DET1: variants seen among roughly 807,000 people sequenced by gnomAD.
The protein encoded by DET1 is DET1 partner of COP1 E3 ubiquitin ligase, also known as DET1 homolog.
In DET1, 22 loss-of-function variants were observed where a neutral mutation model predicts 43.7. The ratio of observed to expected loss-of-function variants is 0.50; its 90% CI spans 0.36 to 0.72. DET1 has a LOEUF of 0.72. Among genes scored for constraint, DET1 ranks in the 30% least tolerant of loss-of-function variants. The pLI is 0.00. For missense variants in DET1, 713 were observed against 713.3 expected (o/e 1.00, Z 0.00); for synonymous variants, 315 against 266.2 (o/e 1.18, Z -1.79).
chr15:88,535,408 A>C (rs2056921631), intron 1 of DET1, among the ~76,000 whole-genome samples: 1 of 151,516 alleles, frequency 6.6e-6, no homozygotes, highest in African/African-American at 2.4e-5. Context: ...AAAAGTTGTA[A>C]CACCCTGATC....
chr15:88,512,448 A>G, downstream of DET1: 1 of 986,050 alleles, frequency 1.0e-6, no homozygotes, highest in Non-Finnish European at 1.2e-6. Context: ...TGAGTATGAT[A>G]GGAACATAAA....
chr15:88,529,194 A>T (rs1290839688), intron 2 of DET1, among the ~76,000 whole-genome samples: 1 of 152,224 alleles, frequency 6.6e-6, no homozygotes, highest in African/African-American at 2.4e-5. Flanking sequence ...CCAAAATAAA[A>T]AGGTAATTAT....
intron 7 of DET1, among the ~76,000 whole-genome samples, chr15:88,506,018 A>C (rs940653913): frequency 6.6e-6 from 1 of 152,172 alleles, no homozygotes; most frequent in African/African-American, 2.4e-5. Flanking sequence ...TCAGGTGGTC[A>C]CTAGGAAATG....
In DET1 at chr15:88,515,811, C is replaced by T. The variant is rs1052006009; in HGVS notation, c.1463+971G>A. On this transcript the variant is annotated intron_variant, in intron 4 of 4. Coordinates refer to ENST00000268148, the MANE Select transcript of DET1 (RefSeq NM_001144074.3). Reference sequence around the variant, plus strand: ...GGTGGGAAGGGGAGGGAGTAGGGGTCGTGATGGAAATAGCTGAAACAGGAG... The same window carrying T: ...GGTGGGAAGGGGAGGGAGTAGGGGTTGTGATGGAAATAGCTGAAACAGGAG... Among the ~76,000 whole-genome samples the T allele has an allele frequency of 2.0e-5, 3 of 151,678 alleles. No homozygotes were observed. The East Asian group carries it at 5.8e-4, about 29-fold the overall frequency.
intron 2 of DET1, among the ~76,000 whole-genome samples, chr15:88,528,494 A>C (rs1201812868): frequency 1.3e-5 from 2 of 152,230 alleles, no homozygotes; most frequent in African/African-American, 4.8e-5. Flanking sequence ...AACACATTTG[A>C]GATTTGTAGC....
intron 3 of DET1, among the ~76,000 whole-genome samples, chr15:88,527,169 G>C (rs551490717): frequency 6.6e-6 from 1 of 152,248 alleles, no homozygotes; most frequent in South Asian, 2.1e-4. Flanking sequence ...TCTATACTTT[G>C]TTTATACCTC....
chr15:88,539,554 C>G (rs1215538031), intron 1 of DET1, among the ~76,000 whole-genome samples: 1 of 148,930 alleles, frequency 6.7e-6, no homozygotes, highest in East Asian at 2.0e-4. Flanking sequence ...TGTTTATTGT[C>G]TTGTTTAGTG....
At chr15:88,509,880 C>T (rs565994743), downstream of DET1, among the ~76,000 whole-genome samples, 272 of 152,350 alleles carry the variant, frequency 1.8e-3, no homozygotes, top group Middle Eastern at 3.4e-3. Context: ...CTCTCCCTAT[C>T]TCAATCCAAG....
chr15:88,511,351 T>A, downstream of DET1: 2 of 951,688 alleles, frequency 2.1e-6, no homozygotes, highest in Non-Finnish European at 2.5e-6. Flanking sequence ...CTCTTCCCAA[T>A]ATCCCCTCAG....
intron 2 of DET1, among the ~76,000 whole-genome samples, chr15:88,529,410 T>A (rs561036086): frequency 1.3e-5 from 2 of 152,302 alleles, no homozygotes; most frequent in African/African-American, 4.8e-5. Flanking sequence ...GATCCCATGA[T>A]GCATAAGATG....
chr15:88,522,684 G>T (rs2056531551), intron 3 of DET1, among the ~76,000 whole-genome samples: 1 of 150,652 alleles, frequency 6.6e-6, no homozygotes, highest in East Asian at 2.0e-4. Flanking sequence ...AATTTTTTTT[G>T]TATTTTTTTT....
At chr15:88,510,901 G>C (rs951562907), downstream of DET1, among the ~76,000 whole-genome samples, 3 of 151,510 alleles carry the variant, frequency 2.0e-5, no homozygotes, top group African/African-American at 7.3e-5. Context: ...AGCCTCCAAA[G>C]TAGCTGGGAC....
At chr15:88,512,022 A>T (rs2056208732), downstream of DET1, among the ~76,000 whole-genome samples, 1 of 152,234 alleles carries the variant, frequency 6.6e-6, no homozygotes. Context: ...GTGACAGAGG[A>T]TGTGGCTGGG....
At chr15:88,523,856 G>A (rs556649291) in intron 3 of DET1, among the ~76,000 whole-genome samples, 20 of 152,208 alleles carry the variant, frequency 1.3e-4, no homozygotes, top group East Asian at 5.8e-4. Context: ...CTGCCCGGCC[G>A]CCACCCCGTC....
downstream of DET1, among the ~76,000 whole-genome samples, chr15:88,510,933 C>A (rs1020226633): frequency 2.6e-5 from 4 of 151,932 alleles, no homozygotes; most frequent in Non-Finnish European, 5.9e-5. Flanking sequence ...GCCACCACGT[C>A]CCGCTAATTT....
chr15:88,545,413 T>G (rs1157423072), intron 1 of DET1, among the ~76,000 whole-genome samples: 1 of 152,134 alleles, frequency 6.6e-6, no homozygotes, highest in African/African-American at 2.4e-5. Context: ...TCCACCATTC[T>G]TAGTCATAAA....
chr15:88,530,813 C>A lies in DET1; in HGVS notation c.893G>T (p.Arg298Leu). ...CCGGCGCCACAAATATACCAGCAACCGGTGTTTGAGGGAATTGATGAAAGG... is the reference window on the plus strand; with the variant it reads ...CCGGCGCCACAAATATACCAGCAACAGGTGTTTGAGGGAATTGATGAAAGG... ...RDPFINSLKHRLLVYLWRRAE... is the reference protein window; with the variant it reads ...RDPFINSLKHLLLVYLWRRAE... The change falls in exon 2 of 5, where the codon CGG (arginine) becomes CTG (leucine). Residue 298 changes from arginine (R) to leucine (L), a missense_variant. Arg to Leu is a moderately radical substitution (Grantham distance 102). Coordinates refer to ENST00000268148, the MANE Select transcript of DET1 (RefSeq NM_001144074.3). 1 of 1,613,936 alleles carries A rather than the reference C, an allele frequency of 6.2e-7. No homozygotes were observed. The highest frequency in any genetic ancestry group is 8.5e-7 in the Non-Finnish European group (1 of 1,179,860).
rs1019048095 is a variant in DET1 at position 88,521,598 on chromosome 15, A to G, written c.1272-4625T>C. On this transcript the variant is annotated intron_variant, in intron 3 of 4. Coordinates refer to ENST00000268148, the MANE Select transcript of DET1 (RefSeq NM_001144074.3). ...CCATAGGCTTCCTTAGAAAAGGTAC[A>G]TGAGAGGTAATCTTTTCAGACTTCA... is the stretch of plus-strand genomic sequence containing the variant. 2.6e-5 allele frequency among the ~76,000 whole-genome samples: 4 copies of G among 152,254 alleles called. No homozygotes were observed. In the East Asian group the frequency reaches 5.8e-4, roughly 22 times the overall value.
chr15:88,502,952 C>G (rs987785830), intron 8 of DET1: 1 of 152,236 alleles, frequency 6.6e-6, no homozygotes, highest in Non-Finnish European at 1.5e-5. Context: ...AATAAACACA[C>G]AAGTCAACTA....
Sources: allele counts gnomAD v4.1 joint callset (sites outside exome capture counted in the v4.1 genomes callset), GRCh38; gene constraint gnomAD v4.1.1; transcripts MANE v1.5; gene names NCBI Gene and HGNC (gene_info 2026-07-23, HGNC 2026-07-21).